TACR3: variants seen among roughly 807,000 people sequenced by gnomAD.
TACR3 encodes the protein tachykinin receptor 3.
A neutral mutation model predicts 35.0 loss-of-function variants in TACR3; 34 were observed. The ratio of observed to expected loss-of-function variants is 0.97; its 90% CI spans 0.74 to 1.30. The LOEUF (loss-of-function observed/expected upper bound fraction) is 1.30. TACR3 is among the 50% of genes most tolerant of loss of function. The pLI, the probability that TACR3 is intolerant of heterozygous loss-of-function variation, is 0.00. For missense variants in TACR3, 558 were observed against 591.7 expected (o/e 0.94, Z 0.59); for synonymous variants, 233 against 221.1 (o/e 1.05, Z -0.48).
chr4:103,716,098 T>C (rs1262495500), intron 1 of TACR3, among the ~76,000 whole-genome samples: 1 of 152,166 alleles, frequency 6.6e-6, no homozygotes, highest in Non-Finnish European at 1.5e-5. Context: ...TGCATAATCT[T>C]GGAAAAGCTT....
chr4:103,627,782 C>T (rs556381059), intron 3 of TACR3, among the ~76,000 whole-genome samples: 2 of 152,272 alleles, frequency 1.3e-5, no homozygotes, highest in Non-Finnish European at 2.9e-5. Context: ...CTCAGCTCTC[C>T]ACCAAGCGGA....
intron 3 of TACR3, among the ~76,000 whole-genome samples, chr4:103,653,649 T>C (rs1725670084): frequency 6.6e-6 from 1 of 152,072 alleles, no homozygotes; most frequent in Non-Finnish European, 1.5e-5. Flanking sequence ...AAGGACTTCA[T>C]GTCTAAAACA....
intron 3 of TACR3, among the ~76,000 whole-genome samples, chr4:103,640,468 T>C (rs1578239071): frequency 6.6e-6 from 1 of 152,130 alleles, no homozygotes; most frequent in Non-Finnish European, 1.5e-5. Flanking sequence ...TATACTTTCA[T>C]TTGAGAAATG....
At chr4:103,639,095 T>C (rs958721844) in intron 3 of TACR3, among the ~76,000 whole-genome samples, 2 of 152,112 alleles carry the variant, frequency 1.3e-5, no homozygotes, top group African/African-American at 4.8e-5. Flanking sequence ...ACTGGGTATA[T>C]ACCCAAAGGA....
At chr4:103,593,616 C>T (rs973704778) in intron 3 of TACR3, among the ~76,000 whole-genome samples, 2 of 152,122 alleles carry the variant, frequency 1.3e-5, no homozygotes, top group African/African-American at 4.8e-5. Flanking sequence ...ATTCCTTGAA[C>T]AGGGTAGTTA....
At chr4:103,632,390 T>A (rs1275254280) in intron 3 of TACR3, among the ~76,000 whole-genome samples, 1 of 152,108 alleles carries the variant, frequency 6.6e-6, no homozygotes, top group Non-Finnish European at 1.5e-5. Context: ...TGCAGGGACA[T>A]GGTTGAAGCT....
chr4:103,591,158 T>C, intron 4 of TACR3: 1 of 338,580 alleles, frequency 3.0e-6, no homozygotes, highest in South Asian at 3.5e-5. Context: ...GATTTGAGCA[T>C]ATTTTCAATT....
At chr4:103,656,019 A>G (rs1433010304) in intron 3 of TACR3, among the ~76,000 whole-genome samples, 175 bp downstream of exon 3, 1 of 152,104 alleles carries the variant, frequency 6.6e-6, no homozygotes, top group African/African-American at 2.4e-5. Flanking sequence ...TGATTACAGT[A>G]TGTGGACAGC....
chr4:103,612,015 C>T (rs762015822), intron 3 of TACR3, among the ~76,000 whole-genome samples: 66 of 152,186 alleles, frequency 4.3e-4, no homozygotes, highest in Non-Finnish European at 8.2e-4. Flanking sequence ...TAATTGGCCT[C>T]TGCTTCCAAA....
At chr4:103,710,921 A>C (rs770727411) in intron 1 of TACR3, among the ~76,000 whole-genome samples, 12 of 152,104 alleles carry the variant, frequency 7.9e-5, no homozygotes, top group Non-Finnish European at 1.3e-4. Flanking sequence ...GGACACATAC[A>C]CCCTCCCAAG....
chr4:103,718,632 G>A (rs1723141221), intron 1 of TACR3, among the ~76,000 whole-genome samples: 1 of 152,176 alleles, frequency 6.6e-6, no homozygotes, highest in Non-Finnish European at 1.5e-5. Flanking sequence ...CTTGGGGCAA[G>A]ACTAGGGAAT....
At chr4:103,690,222 C>G (rs1722370643) in intron 1 of TACR3, among the ~76,000 whole-genome samples, 1 of 152,098 alleles carries the variant, frequency 6.6e-6, no homozygotes, top group Admixed American at 6.6e-5. Flanking sequence ...AATGGTTCCT[C>G]AAATCCACAT....
chr4:103,601,866 T>G (rs6837714), intron 3 of TACR3, among the ~76,000 whole-genome samples: 133,043 of 152,112 alleles, frequency 0.87, 58,610 homozygotes, highest in East Asian at 1. Flanking sequence ...TATGTGTCTT[T>G]TAGTTGCTAT....
At chr4:103,618,482 G>A (rs1578228999) in intron 3 of TACR3, among the ~76,000 whole-genome samples, 1 of 150,288 alleles carries the variant, frequency 6.7e-6, no homozygotes, top group Non-Finnish European at 1.5e-5. Context: ...GGTTACTGTG[G>A]CTTTATAGCA....
chr4:103,591,748 A>G (rs1723902747), intron 3 of TACR3, 65 bp from the exon 4 acceptor site: 2 of 1,448,912 alleles, frequency 1.4e-6, no homozygotes, highest in Non-Finnish European at 1.9e-6. Context: ...AGCTTATTGC[A>G]AATCATGCTT....
intron 1 of TACR3, among the ~76,000 whole-genome samples, chr4:103,678,418 G>T (rs373350781): frequency 6.6e-6 from 1 of 152,104 alleles, no homozygotes; most frequent in African/African-American, 2.4e-5. Flanking sequence ...AATAAAGCAA[G>T]TATTAGATAA....
At chr4:103,596,765 C>G (rs1311478835) in intron 3 of TACR3, among the ~76,000 whole-genome samples, 1 of 151,918 alleles carries the variant, frequency 6.6e-6, no homozygotes, top group Non-Finnish European at 1.5e-5. Flanking sequence ...CCCCCTACCC[C>G]ACAAGAGTCC....
At chr4:103,644,026 A>G (rs1335701927) in intron 3 of TACR3, among the ~76,000 whole-genome samples, 1 of 151,784 alleles carries the variant, frequency 6.6e-6, no homozygotes, top group Non-Finnish European at 1.5e-5. Flanking sequence ...GTACTACTGG[A>G]AAACCACAAA....
chr4:103,699,913 G>T (rs936201525), intron 1 of TACR3, among the ~76,000 whole-genome samples: 1 of 152,070 alleles, frequency 6.6e-6, no homozygotes, highest in Admixed American at 6.5e-5. Flanking sequence ...TAAAACTCTG[G>T]ATTACTGACA....
Sources: gnomAD v4.1 joint callset for allele counts (sites outside exome capture counted in the v4.1 genomes callset) on GRCh38, gnomAD v4.1.1 for gene constraint, MANE v1.5 for transcripts, NCBI Gene and HGNC (gene_info 2026-07-23, HGNC 2026-07-21) for gene names.